The following MBIP variants were observed in gnomAD, a reference collection of about 807,000 sequenced individuals.
MBIP encodes the protein MAP3K12 binding inhibitory protein 1, also known as MAP3K12-binding inhibitory protein 1.
Under a neutral mutation model 45.7 loss-of-function variants are expected in MBIP, and 32 were observed. That is an observed-to-expected ratio of 0.70 (90% CI 0.53 to 0.94). MBIP has a LOEUF of 0.94. MBIP is among the 40% of genes least tolerant of loss of function. The pLI is 0.00. For missense variants in MBIP, 381 were observed against 405.5 expected, an observed-to-expected ratio of 0.94 and a Z score of 0.52; for synonymous variants, 145 against 141.0, an observed-to-expected ratio of 1.03 and a Z score of -0.20.
intron 7 of MBIP, among the ~76,000 whole-genome samples, chr14:36,307,161 C>T (rs1879931415): frequency 6.6e-6 from 1 of 152,160 alleles, no homozygotes; most frequent in African/African-American, 2.4e-5. Context: ...TTAGGACTTG[C>T]TGCTCCCTTT....
At chr14:36,300,699 AACC>A in intron 8 of MBIP, 83 bp downstream of exon 8, 1 of 1,004,496 alleles carries the variant, frequency 1.0e-6, no homozygotes, top group Non-Finnish European at 1.4e-6. Flanking sequence ...ACCTAAAAGC[AACC>A]ATAGTAGAAA....
rs17175248 is a variant in MBIP at position 36,299,201 on chromosome 14, T to A, written c.928-11A>T. Reference sequence around the variant, plus strand: ...CAGTGAATAGTTCTGCTGTAAACAATAACGACACAAATTGCTGAATAAGAT... The same window carrying A: ...CAGTGAATAGTTCTGCTGTAAACAAAAACGACACAAATTGCTGAATAAGAT... On this transcript the variant is annotated splice_polypyrimidine_tract_variant and intron_variant, in intron 8 of 8. Coordinates refer to ENST00000416007, the MANE Select transcript of MBIP (RefSeq NM_016586.3). 24 of 1,577,486 alleles carry A rather than the reference T, an allele frequency of 1.5e-5. No individual in the cohort carries two copies. The African/African-American group carries it at 2.2e-4, about 14-fold the overall frequency.
At chr14:36,316,036 G>C (rs1284357664) in intron 2 of MBIP, among the ~76,000 whole-genome samples, 1 of 151,842 alleles carries the variant, frequency 6.6e-6, no homozygotes, top group Non-Finnish European at 1.5e-5. Context: ...TGTTCAATTA[G>C]AAACCAGCAA....
chr14:36,310,755 G>A (rs1880149671), intron 6 of MBIP, among the ~76,000 whole-genome samples: 1 of 152,184 alleles, frequency 6.6e-6, no homozygotes, highest in Non-Finnish European at 1.5e-5. Flanking sequence ...AAAAAGCATG[G>A]ACAGAAGGGC....
At chr14:36,300,846 A>G in intron 7 of MBIP, 23 bp from the exon 8 acceptor site, 1 of 1,395,944 alleles carries the variant, frequency 7.2e-7, no homozygotes, top group Non-Finnish European at 9.9e-7. Context: ...AAAAAAGGTA[A>G]TGTTTAGAAA....
chr14:36,319,522 A>T, intron 1 of MBIP: 1 of 418,484 alleles, frequency 2.4e-6, no homozygotes. Flanking sequence ...TTCTCCATCT[A>T]CTCAAGGCTT....
At chr14:36,320,134 A>ACCCGTT (rs1880804410) in intron 1 of MBIP, among the ~76,000 whole-genome samples, 1 of 152,146 alleles carries the variant, frequency 6.6e-6, no homozygotes, top group African/African-American at 2.4e-5. Flanking sequence ...AGGACCCTGA[A>ACCCGTT]CGCTAAGCGC....
chr14:36,305,492 T>C, intron 7 of MBIP, among the ~76,000 whole-genome samples: 1 of 152,180 alleles, frequency 6.6e-6, no homozygotes, highest in East Asian at 1.9e-4. Flanking sequence ...TTATCACAGG[T>C]TGCCACCATC....
chr14:36,300,040 G>C (rs1879442352), intron 8 of MBIP, among the ~76,000 whole-genome samples: 1 of 152,106 alleles, frequency 6.6e-6, no homozygotes. Flanking sequence ...ACTTTAAAAT[G>C]ATGAATTTTA....
Position 36,316,774 on chromosome 14 carries a change from A to G in MBIP, c.168T>C (p.Asp56=). The change falls in exon 2 of 9, where the codon GAT becomes GAC. Residue 56 remains aspartate, a synonymous_variant. Transcript: ENST00000416007. Reference sequence around the variant, plus strand: ...CCGAGAGGCTCTGGAGCTTGTTCCAATCGATTGTAATTTTCACCACATCAT... The same window carrying G: ...CCGAGAGGCTCTGGAGCTTGTTCCAGTCGATTGTAATTTTCACCACATCAT... The part of the protein sequence containing the change: ...LRDDVVKITI[D]WNKLQSLSAF... The G allele has an allele frequency of 1.2e-6, 2 of 1,612,546 alleles. No homozygotes were observed. Among genetic ancestry groups the G allele is most frequent in the South Asian group, 1.1e-5 (1 of 90,884 alleles).
chr14:36,300,676 T>C lies in MBIP; in HGVS notation c.927+109A>G. ...CTGCCCTTTTCTTCAGTCCTAAATT[T>C]TACCAGGGTATGACCTAAAAGCAAC... On this transcript the variant is annotated intron_variant, in intron 8 of 8. Coordinates refer to ENST00000416007, the MANE Select transcript of MBIP (RefSeq NM_016586.3). 6 of 736,150 alleles carry C rather than the reference T, an allele frequency of 8.2e-6. No individual in the cohort carries two copies. In the South Asian group the frequency reaches 1.3e-4, roughly 16 times the overall value. 45.6% of individuals were successfully genotyped at this position (736,150 alleles called of 1,614,324 possible).
At chr14:36,312,679 A>T (rs1880278882) in intron 4 of MBIP, among the ~76,000 whole-genome samples, 2 of 152,158 alleles carry the variant, frequency 1.3e-5, no homozygotes, top group Non-Finnish European at 2.9e-5. Flanking sequence ...GCTGAAAAGT[A>T]GTTTCTTTCA....
At position 36,305,598 on chromosome 14, in the gene MBIP, G is replaced by C. The variant is rs1879816735; in HGVS notation, c.888+2494C>G. ...GAAATTAGGCAGTCACCAAGCTTCA[G>C]ACTTCAGGCCTCAGACAATCTGTGT... On this transcript the variant is annotated intron_variant, in intron 7 of 8. Transcript: ENST00000416007. 2.6e-5 allele frequency among the ~76,000 whole-genome samples: 4 copies of C among 152,234 alleles called. No homozygotes were observed. The South Asian group carries it at 8.3e-4, about 32-fold the overall frequency.
intron 2 of MBIP, among the ~76,000 whole-genome samples, chr14:36,316,100 T>G (rs1880553380): frequency 6.6e-6 from 1 of 152,146 alleles, no homozygotes; most frequent in African/African-American, 2.4e-5. Context: ...ATAACAACAC[T>G]ATTATAAATA....
intron 8 of MBIP, among the ~76,000 whole-genome samples, chr14:36,299,871 T>A (rs955734835): frequency 4.6e-5 from 7 of 152,150 alleles, no homozygotes; most frequent in African/African-American, 1.7e-4. Flanking sequence ...TTAATATTTC[T>A]AATTTAGACA....
At chr14:36,315,341 C>T (rs1488295963) in intron 2 of MBIP, among the ~76,000 whole-genome samples, 2 of 152,008 alleles carry the variant, frequency 1.3e-5, no homozygotes, top group African/African-American at 2.4e-5. Flanking sequence ...CTCCTTAACA[C>T]GAGAGCTAGT....
intron 7 of MBIP, among the ~76,000 whole-genome samples, chr14:36,305,839 TTC>T (rs767406238): frequency 1.3e-5 from 2 of 152,242 alleles, no homozygotes; most frequent in African/African-American, 2.4e-5. Context: ...TCTATCCTTG[TTC>T]TCTGTCTCTT....
chr14:36,318,986 T>C (rs1208687367), intron 1 of MBIP, among the ~76,000 whole-genome samples: 1 of 152,108 alleles, frequency 6.6e-6, no homozygotes. Context: ...GTCCCTTCAC[T>C]GTGTCATGGT....
intron 7 of MBIP, among the ~76,000 whole-genome samples, chr14:36,302,738 A>G (rs1879644942): frequency 1.3e-5 from 2 of 152,164 alleles, no homozygotes; most frequent in Admixed American, 1.3e-4. Flanking sequence ...ACACTTAGAA[A>G]TACCATATCT....
Sources: allele counts gnomAD v4.1 joint callset (sites outside exome capture counted in the v4.1 genomes callset), GRCh38; gene constraint gnomAD v4.1.1; transcripts MANE v1.5; gene names NCBI Gene and HGNC (gene_info 2026-07-23, HGNC 2026-07-21).